Variants in DNAH9 observed in about 807,000 individuals in gnomAD.
The protein encoded by DNAH9 is dynein axonemal heavy chain 9.
DNAH9 carries 345 observed loss-of-function variants against 471.6 expected under a neutral mutation model. That is an observed-to-expected ratio of 0.73 (90% CI 0.67 to 0.80). The LOEUF is 0.80. Among genes scored for constraint, DNAH9 ranks in the 30% least tolerant of loss-of-function variants. DNAH9 has a pLI of 0.00. For missense variants in DNAH9, 5,407 were observed against 5,609.2 expected (o/e 0.96, Z 1.15); for synonymous variants, 2,093 against 2,123.6 (o/e 0.99, Z 0.40).
chr17:11,842,148 GT>G (rs1217873952), intron 49 of DNAH9, among the ~76,000 whole-genome samples: 2 of 152,182 alleles, frequency 1.3e-5, no homozygotes, highest in African/African-American at 4.8e-5. Context: ...AGAAGTCAGG[GT>G]CTTCATTATA....
At chr17:11,644,725 G>C in intron 11 of DNAH9, 26 bp downstream of exon 11, 2 of 1,550,856 alleles carry the variant, frequency 1.3e-6, no homozygotes, top group Middle Eastern at 3.4e-4. Context: ...CATTGCGTGG[G>C]TCTGCAGATT....
chr17:11,845,030 G>A (rs970194180), intron 49 of DNAH9, among the ~76,000 whole-genome samples: 2 of 148,070 alleles, frequency 1.4e-5, no homozygotes, highest in African/African-American at 5.0e-5. Context: ...TATACTTTAA[G>A]TTTTAGGGTA....
intron 59 of DNAH9, among the ~76,000 whole-genome samples, chr17:11,897,496 G>A (rs1379617510): frequency 2.0e-5 from 3 of 152,196 alleles, no homozygotes; most frequent in Non-Finnish European, 4.4e-5. Context: ...CCACCTCATA[G>A]GACAGTATGG....
chr17:11,690,409 T>G lies in DNAH9; in HGVS notation c.4587T>G (p.Ser1529=). 1 of 1,613,916 alleles carries G rather than the reference T, an allele frequency of 6.2e-7. No individual in the cohort carries two copies. Among genetic ancestry groups the G allele is most frequent in the South Asian group, 1.1e-5 (1 of 91,072 alleles). Residue 1529 remains serine, a synonymous_variant, in exon 20 of 69, where the codon TCT becomes TCG. Coordinates refer to ENST00000262442, the MANE Select transcript of DNAH9 (RefSeq NM_001372.4). ...ACCTGGAAAGCATATTCACTGGATC[T>G]GAAGATATTCGGGCACAGCTACCCC... The part of the protein sequence containing the change: ...WTHLESIFTG[S]EDIRAQLPQD...
chr17:11,942,383 G>A lies in DNAH9; in HGVS notation c.12741G>A (p.Glu4247=). Residue 4247 remains glutamate (E), a synonymous_variant, in exon 67 of 69, where the codon GAG becomes GAA. Coordinates refer to ENST00000262442, the MANE Select transcript of DNAH9 (RefSeq NM_001372.4). Reference sequence around the variant, plus strand: ...CAGAACTGATGGCCAAAGTGGAGGAGCGCACCCCTTACATTGTAGTTGCCT... The same window carrying A: ...CAGAACTGATGGCCAAAGTGGAGGAACGCACCCCTTACATTGTAGTTGCCT... ...NIPELMAKVE[E]RTPYIVVAFQ... is the part of the protein sequence containing the mutation. 1 of 1,614,230 alleles carries A rather than the reference G, an allele frequency of 6.2e-7. No homozygotes were observed. The highest frequency in any genetic ancestry group is 8.5e-7 in the Non-Finnish European group (1 of 1,180,024).
intron 42 of DNAH9, among the ~76,000 whole-genome samples, chr17:11,795,180 C>T (rs1969200662): frequency 6.6e-6 from 1 of 152,158 alleles, no homozygotes; most frequent in African/African-American, 2.4e-5. Flanking sequence ...TCTTTCCTCT[C>T]ATTAAACCTA....
rs9916482 is a variant in DNAH9 at position 11,680,807 on chromosome 17, A to T, written c.3661A>T (p.Thr1221Ser). The T allele has an allele frequency of 1.9e-5, 31 of 1,613,782 alleles. No homozygotes were observed. The highest frequency in any genetic ancestry group is 2.5e-5 in the Non-Finnish European group (29 of 1,179,906). ...GGCCCCACTGCAGGCAAATGAAGTG[A>T]CACTCCTCCGCCAGAGGTGCACAGC... ...QVAPLQANEV[T>S]LLRQRCTAFD... is the part of the protein sequence containing the mutation. Residue 1221 changes from threonine (T) to serine (S), a missense_variant, in exon 19 of 69, where the codon ACA becomes TCA. Around this residue, in one of 3 missense-constraint regions of DNAH9, gnomAD observed 4,636 missense variants for 4,900.3 expected, o/e 0.95. Transcript: ENST00000262442.
chr17:11,739,303 T>A (rs995456846), intron 29 of DNAH9, among the ~76,000 whole-genome samples: 2 of 152,220 alleles, frequency 1.3e-5, no homozygotes, highest in African/African-American at 4.8e-5. Flanking sequence ...TATTTCGTAG[T>A]CTCTCATAAT....
intron 3 of DNAH9, among the ~76,000 whole-genome samples, chr17:11,611,202 G>A (rs1046805349): frequency 1.3e-5 from 2 of 152,136 alleles, no homozygotes; most frequent in South Asian, 2.1e-4. Flanking sequence ...GGAGATTATC[G>A]GTGTCACATG....
At chr17:11,683,587 T>C (rs1312929154) in intron 19 of DNAH9, among the ~76,000 whole-genome samples, 2 of 152,258 alleles carry the variant, frequency 1.3e-5, no homozygotes, top group East Asian at 3.8e-4. Flanking sequence ...GGTGTGCTTT[T>C]GTGTCTGTTC....
At chr17:11,811,262 G>C (rs1969888470) in intron 45 of DNAH9, among the ~76,000 whole-genome samples, 1 of 151,900 alleles carries the variant, frequency 6.6e-6, no homozygotes. Context: ...GCAGTGAGCT[G>C]AGATCATGCC....
chr17:11,611,779 A>C lies in DNAH9; in HGVS notation c.903A>C (p.Ala301=). 1.9e-6 allele frequency: 3 copies of C among 1,614,038 alleles called. No homozygotes were observed. The highest frequency in any genetic ancestry group is 2.5e-6 in the Non-Finnish European group (3 of 1,179,850). The part of the protein sequence containing the change: ...AFKAMYRDVV[A]ALAEAQDIHV... ...AAGCCATGTACAGAGATGTTGTTGC[A>C]GGTGAGGACCAGCAAGTGTTTTCAC... is the stretch of plus-strand genomic sequence containing the variant. The change falls in exon 4 of 69, where the codon GCA becomes GCC. Residue 301 remains alanine, a splice_region_variant and synonymous_variant. Coordinates refer to ENST00000262442, the MANE Select transcript of DNAH9 (RefSeq NM_001372.4).
In DNAH9 at chr17:11,643,721, T is replaced by C. The variant is rs147556761; in HGVS notation, c.1902-910T>C. On this transcript the variant is annotated intron_variant, in intron 10 of 68. Coordinates refer to ENST00000262442, the MANE Select transcript of DNAH9 (RefSeq NM_001372.4). The stretch of plus-strand genomic sequence containing the variant: ...ATCAATATGCTCTATGATCAATACG[T>C]TCTATGATCAATACGCTTTATGGTC... Among the ~76,000 whole-genome samples the C allele has an allele frequency of 5.8e-4, 88 of 152,202 alleles. 1 individual carries two copies. In the East Asian group the frequency reaches 0.015, roughly 26 times the overall value.
intron 26 of DNAH9, among the ~76,000 whole-genome samples, chr17:11,712,816 C>A (rs1157020366): frequency 6.6e-6 from 1 of 150,894 alleles, no homozygotes; most frequent in Admixed American, 6.6e-5. Flanking sequence ...GGATATGTTG[C>A]AAATGTGTTT....
At chr17:11,731,952 T>C (rs2075277708) in intron 28 of DNAH9, among the ~76,000 whole-genome samples, 1 of 152,204 alleles carries the variant, frequency 6.6e-6, no homozygotes. Flanking sequence ...TTTCTAGTTC[T>C]AGATCCCTAA....
At chr17:11,853,121 G>C (rs919109044) in intron 49 of DNAH9, 1 of 151,782 alleles carries the variant, frequency 6.6e-6, no homozygotes, top group Non-Finnish European at 1.5e-5. Flanking sequence ...AGTCATTTGG[G>C]TGTGGTATAG....
chr17:11,799,907 C>T (rs1294620984), intron 43 of DNAH9, among the ~76,000 whole-genome samples: 1 of 152,218 alleles, frequency 6.6e-6, no homozygotes, highest in African/African-American at 2.4e-5. Context: ...TTACTCTACC[C>T]GTGCCCCTAA....
At chr17:11,728,344 A>G (rs2150815195) in intron 28 of DNAH9, among the ~76,000 whole-genome samples, 1 of 152,280 alleles carries the variant, frequency 6.6e-6, no homozygotes, top group South Asian at 2.1e-4. Flanking sequence ...TCAGCTTAAT[A>G]AAGTGAGGAA....
At position 11,843,879 on chromosome 17, in the gene DNAH9, A is replaced by G. The variant is rs546806940; in HGVS notation, c.9507+8981A>G. 4.8e-3 allele frequency among the ~76,000 whole-genome samples: 636 copies of G among 132,848 alleles called. 19 individuals are homozygous for G. The highest frequency in any genetic ancestry group is 0.016 in the African/African-American group (582 of 35,970). The allele number at this position is 132,848 out of a possible 152,430, so 87.2% of individuals were successfully genotyped here. On this transcript the variant is annotated intron_variant, in intron 49 of 68. Transcript: ENST00000262442. Reference sequence around the variant, plus strand: ...TGTGTGTGTGTATATATATATATATATATATATATATACACATAGAGAGAG... The same window carrying G: ...TGTGTGTGTGTATATATATATATATGTATATATATATACACATAGAGAGAG...
Sources: gnomAD v4.1 joint callset for allele counts (sites outside exome capture counted in the v4.1 genomes callset) on GRCh38, gnomAD v4.1.1 for gene constraint, gnomAD v4.1.1 regional missense constraint, MANE v1.5 for transcripts, NCBI Gene and HGNC (gene_info 2026-07-23, HGNC 2026-07-21) for gene names.